The following FHOD1 variants were observed in gnomAD, a reference collection of about 807,000 sequenced individuals.
FHOD1 encodes the protein FH1/FH2 domain-containing protein 1.
In FHOD1, 89 loss-of-function variants were observed where a neutral mutation model predicts 111.6. The observed-to-expected ratio is 0.80, with a 90% CI of 0.67 to 0.95. FHOD1 has a LOEUF of 0.95. Among genes scored for constraint, FHOD1 ranks in the 40% least tolerant of loss-of-function variants. The probability of loss-of-function intolerance (pLI) is 0.00; values close to 1 mark genes in which losing one functional copy is unlikely to be tolerated. For missense variants in FHOD1, 1,446 were observed against 1,554.2 expected (o/e 0.93, Z 1.17); for synonymous variants, 618 against 639.0 (o/e 0.97, Z 0.50).
intron 1 of FHOD1, chr16:67,246,813 T>C (rs2142314375): frequency 4.8e-6 from 1 of 208,850 alleles, no homozygotes; most frequent in African/African-American, 2.3e-5. Flanking sequence ...CTCCTCGTGG[T>C]CCCGCCCCCA....
In FHOD1 at chr16:67,233,775, G is replaced by T; in HGVS notation, c.1928C>A (p.Ser643Tyr). The change falls in exon 13 of 22, where the codon TCT (serine) becomes TAT (tyrosine). Residue 643 changes from serine (S) to tyrosine (Y), a missense_variant. This residue lies in a region of FHOD1 where 1,085 missense variants were observed against 1,108.8 expected (regional missense o/e 0.98). Transcript: ENST00000258201. ...ELKLAGGHGV[S>Y]ASRFGPCATL... ...GGCGCAGGGCCCAAAGCGGCTTGCAGAGACTCCATGGCCCCCAGCCAGCTT... is the reference window on the plus strand; with the variant it reads ...GGCGCAGGGCCCAAAGCGGCTTGCATAGACTCCATGGCCCCCAGCCAGCTT... 6.2e-7 allele frequency: 1 copy of T among 1,613,918 alleles called. No individual in the cohort carries two copies. Among genetic ancestry groups the T allele is most frequent in the Non-Finnish European group, 8.5e-7 (1 of 1,180,012 alleles).
rs138688169 is a variant in FHOD1 at position 67,231,730 on chromosome 16, G to A, written c.2292C>T (p.Ala764=). The A allele has an allele frequency of 2.5e-4, 403 of 1,614,060 alleles. 2 individuals carry two copies. The highest frequency in any genetic ancestry group is 1.5e-4 in the African/African-American group (11 of 74,974). The change falls in exon 15 of 22, where the codon GCC becomes GCT. Residue 764 remains alanine, a synonymous_variant. Coordinates refer to ENST00000258201, the MANE Select transcript of FHOD1 (RefSeq NM_013241.3). This position sits in a 1 kb window ranked among gnomAD's most constrained non-coding sequence, Gnocchi z 4.3. The stretch of plus-strand genomic sequence containing the variant: ...AGGCAAGAGTCATCAGGAAGTTCTC[G>A]GCTGGGCCCAGGGGTATGTCAGGGT... ...LANPDIPLGP[A]ENFLMTLASI... is the part of the protein sequence containing the mutation.
rs946528345 is a variant in FHOD1 at position 67,237,935 on chromosome 16, C to G, written c.642+99G>C. The G allele has an allele frequency of 4.3e-6, 6 of 1,402,762 alleles. No homozygotes were observed. The Admixed American group carries it at 7.0e-5, about 16-fold the overall frequency. 86.9% of individuals were successfully genotyped at this position (1,402,762 alleles called of 1,614,324 possible). A position where few individuals can be genotyped will look rare whatever the true frequency, so the allele number is the denominator to read the frequency against. On this transcript the variant is annotated intron_variant, in intron 6 of 21. Coordinates refer to ENST00000258201, the MANE Select transcript of FHOD1 (RefSeq NM_013241.3). This position sits in a 1 kb window ranked among gnomAD's most constrained non-coding sequence, Gnocchi z 5.6. ...GTGCCTTATAGGCTTACAGAGGCCTCAGACTCACTCCCTTCCAGCTCACTT... is the reference window on the plus strand; with the variant it reads ...GTGCCTTATAGGCTTACAGAGGCCTGAGACTCACTCCCTTCCAGCTCACTT...
rs2034590768 is a variant in FHOD1 at position 67,238,954 on chromosome 16, G to C, written c.322C>G (p.Pro108Ala). 1 of 1,614,042 alleles carries C rather than the reference G, an allele frequency of 6.2e-7. No individual in the cohort carries two copies. The highest frequency in any genetic ancestry group is 1.7e-5 in the Admixed American group (1 of 60,008). Residue 108 changes from proline (P) to alanine (A), a missense_variant, in exon 3 of 22, where the codon CCC (proline) becomes GCC (alanine). Physicochemically the swap from Pro to Ala is conservative, Grantham distance 27 (BLOSUM62 -1). Around this residue, in one of 3 missense-constraint regions of FHOD1, gnomAD observed 234 missense variants for 327.4 expected, o/e 0.71. Transcript: ENST00000258201. The surrounding 1 kb of genome is among the most constrained non-coding windows in gnomAD (Gnocchi z 4.2). ...FYEEISKGRK[P>A]TLILRTQLSV... Reference sequence around the variant, plus strand: ...AGCTGGGTCCGAAGGATCAGCGTGGGCTTCCGCCCTTTGCTGGAATCAAGG... The same window carrying C: ...AGCTGGGTCCGAAGGATCAGCGTGGCCTTCCGCCCTTTGCTGGAATCAAGG...
chr16:67,238,647 C>A lies in FHOD1; in HGVS notation c.374-200G>T. Reference sequence around the variant, plus strand: ...GCTCACTGCAACCTCAAACTCCTAGCCTCAAGCAATTCTCCCACCTTGACC... The same window carrying A: ...GCTCACTGCAACCTCAAACTCCTAGACTCAAGCAATTCTCCCACCTTGACC... On this transcript the variant is annotated intron_variant, in intron 3 of 21. Coordinates refer to ENST00000258201, the MANE Select transcript of FHOD1 (RefSeq NM_013241.3). The surrounding 1 kb of genome is among the most constrained non-coding windows in gnomAD (Gnocchi z 4.2). The A allele has an allele frequency of 1.5e-6, 1 of 670,674 alleles. No individual in the cohort carries two copies. The highest frequency in any genetic ancestry group is 2.6e-6 in the Non-Finnish European group (1 of 381,172). 41.5% of individuals were successfully genotyped at this position (670,674 alleles called of 1,614,324 possible).
Position 67,230,682 on chromosome 16 carries a change from C to T in FHOD1, c.2777G>A (p.Arg926His), listed in dbSNP as rs750277750. ...GTCCAGGAAGTGGGTGAGGCGGGCA[C>T]GCAGGGCTGGGGCCAGCTCATGCTT... Reference protein sequence around the residue: ...LAKHELAPALRARLTHFLDQC... With the variant: ...LAKHELAPALHARLTHFLDQC... The change falls in exon 18 of 22, where the codon CGT (arginine) becomes CAT (histidine). Residue 926 changes from arginine (R) to histidine (H), a missense_variant. By Grantham distance (29) the Arg-to-His change is conservative. Transcript: ENST00000258201. 1.4e-4 allele frequency: 224 copies of T among 1,613,850 alleles called. No homozygotes were observed. Among genetic ancestry groups the T allele is most frequent in the Non-Finnish European group, 1.8e-4 (207 of 1,179,998 alleles).
At chr16:67,240,262 C>T (rs1365475684) in intron 1 of FHOD1, among the ~76,000 whole-genome samples, 3 of 152,200 alleles carry the variant, frequency 2.0e-5, no homozygotes, top group African/African-American at 7.2e-5. Flanking sequence ...CGTGGTGGCT[C>T]ACGCCTGTAA....
At chr16:67,246,411 G>C (rs1446381629) in intron 1 of FHOD1, among the ~76,000 whole-genome samples, 1 of 152,234 alleles carries the variant, frequency 6.6e-6, no homozygotes, top group Non-Finnish European at 1.5e-5. Flanking sequence ...GGCGGCGAGA[G>C]GGAGGGGAGA....
chr16:67,230,427 G>A lies in FHOD1; in HGVS notation c.2938C>T (p.Leu980=). Residue 980 remains leucine, a synonymous_variant, in exon 19 of 22, where the codon CTG becomes TTG. Transcript: ENST00000258201. The stretch of plus-strand genomic sequence containing the variant: ...CGATACTCAAGCGCAAATTCCCGCA[G>A]CGTGTGGCAGAACTGCATGATGCGC... ...EVRIMQFCHT[L]REFALEYRTC... is the part of the protein sequence containing the mutation. 2 of 1,614,264 alleles carry A rather than the reference G, an allele frequency of 1.2e-6. No homozygotes were observed. The highest frequency in any genetic ancestry group is 1.7e-6 in the Non-Finnish European group (2 of 1,180,044).
Position 67,231,576 on chromosome 16 carries a change from G to T in FHOD1, c.2386-27C>A. 1 of 1,614,176 alleles carries T rather than the reference G, an allele frequency of 6.2e-7. No homozygotes were observed. The highest frequency in any genetic ancestry group is 1.1e-5 in the South Asian group (1 of 91,074). On this transcript the variant is annotated intron_variant, in intron 15 of 21. Transcript: ENST00000258201. This position sits in a 1 kb window ranked among gnomAD's most constrained non-coding sequence, Gnocchi z 4.3. ...TGGTATGGGAGACCAGGGACTCTCA[G>T]ACTACATGGTCATGATGCTTACCTG... is the stretch of plus-strand genomic sequence containing the variant.
intron 11 of FHOD1, among the ~76,000 whole-genome samples, chr16:67,235,477 C>G (rs2034441844): frequency 6.7e-6 from 1 of 149,562 alleles, no homozygotes; most frequent in Non-Finnish European, 1.5e-5. Context: ...TTGCAGTGTG[C>G]TGAGATCACA....
At position 67,239,405 on chromosome 16, in the gene FHOD1, G is replaced by A. The variant is rs1370591121; in HGVS notation, c.251C>T (p.Thr84Ile). The change falls in exon 2 of 22, where the codon ACC (threonine) becomes ATC (isoleucine). Residue 84 changes from threonine (T) to isoleucine (I), a missense_variant. Physicochemically the swap from Thr to Ile is moderately conservative, Grantham distance 89. Transcript: ENST00000258201. ...QVSPSGYYLD[T>I]ELSLEEQREM... ...CCGCTGCTCTTCCAGGGACAGCTCGGTGTCCAGGTAGTATCCGGAGGGAGA... is the reference window on the plus strand; with the variant it reads ...CCGCTGCTCTTCCAGGGACAGCTCGATGTCCAGGTAGTATCCGGAGGGAGA... 1 of 1,614,174 alleles carries A rather than the reference G, an allele frequency of 6.2e-7. No individual in the cohort carries two copies. Among genetic ancestry groups the A allele is most frequent in the Admixed American group, 1.7e-5 (1 of 60,022 alleles).
chr16:67,238,302 GTCC>G lies in FHOD1; in HGVS notation c.444_446del (p.Glu148del), dbSNP rs2034566499. On this transcript the variant is annotated inframe_deletion and splice_region_variant, in exon 5 of 22. Transcript: ENST00000258201. The surrounding 1 kb of genome is among the most constrained non-coding windows in gnomAD (Gnocchi z 4.2). ...GCACAAATTCAGGCACCAGGTCTTT[GTCC>G]TCCTAGAGGCACCATGGGGGAGTTT... 2 of 1,614,024 alleles carry G rather than the reference GTCC, an allele frequency of 1.2e-6. No homozygotes were observed. Among genetic ancestry groups the G allele is most frequent in the Non-Finnish European group, 1.7e-6 (2 of 1,180,034 alleles).
chr16:67,238,560 T>G lies in FHOD1; in HGVS notation c.374-113A>C. 9.2e-7 allele frequency: 1 copy of G among 1,090,354 alleles called. No homozygotes were observed. Among genetic ancestry groups the G allele is most frequent in the Non-Finnish European group, 1.4e-6 (1 of 731,440 alleles). 67.5% of individuals were successfully genotyped at this position (1,090,354 alleles called of 1,614,324 possible). On this transcript the variant is annotated intron_variant, in intron 3 of 21. Coordinates refer to ENST00000258201, the MANE Select transcript of FHOD1 (RefSeq NM_013241.3). The surrounding 1 kb of genome is among the most constrained non-coding windows in gnomAD (Gnocchi z 4.2). ...ATAGTCTAATATATATGTTTTGGTCTGAGAGACAGGGTCTCACTCTGTCAC... is the reference window on the plus strand; with the variant it reads ...ATAGTCTAATATATATGTTTTGGTCGGAGAGACAGGGTCTCACTCTGTCAC...
chr16:67,242,479 G>A (rs1313566268), intron 1 of FHOD1, among the ~76,000 whole-genome samples: 1 of 152,326 alleles, frequency 6.6e-6, no homozygotes, highest in African/African-American at 2.4e-5. Context: ...CTGCTAGCAG[G>A]ATGGCACATG....
At position 67,231,231 on chromosome 16, in the gene FHOD1, G is replaced by A. The variant is rs757925016; in HGVS notation, c.2624C>T (p.Ser875Phe). ...SLVLQTRPES[S>F]DLYSEIPALT... ...GGCAGGGATTTCTGAATAGAGGTCA[G>A]AGGACTCAGGCCGGGTCTGGAGCAC... Residue 875 changes from serine to phenylalanine, a missense_variant, in exon 17 of 22, where the codon TCT becomes TTT. Ser to Phe is a radical substitution (Grantham distance 155). Around this residue, in one of 3 missense-constraint regions of FHOD1, gnomAD observed 1,085 missense variants for 1,108.8 expected, o/e 0.98. Coordinates refer to ENST00000258201, the MANE Select transcript of FHOD1 (RefSeq NM_013241.3). The surrounding 1 kb of genome is among the most constrained non-coding windows in gnomAD (Gnocchi z 4.3). 1 of 1,614,232 alleles carries A rather than the reference G, an allele frequency of 6.2e-7. No individual in the cohort carries two copies. The highest frequency in any genetic ancestry group is 8.5e-7 in the Non-Finnish European group (1 of 1,180,030).
At chr16:67,236,515 T>C (rs753053035) in intron 11 of FHOD1, 42 bp downstream of exon 11, 3 of 1,598,144 alleles carry the variant, frequency 1.9e-6, no homozygotes, top group Non-Finnish European at 2.6e-6. Flanking sequence ...GGAGGGACAA[T>C]GGGAGAGAGG....
chr16:67,229,935 G>A lies in FHOD1; in HGVS notation c.3270C>T (p.Ser1090=). ...IMPTVGPSTA[S]PEEPPGSSLP... is the part of the protein sequence containing the mutation. Reference sequence around the variant, plus strand: ...AACTGGAGCCTGGGGGTTCTTCTGGGGATGCAGTGGAGGGCCCCACTGTGG... The same window carrying A: ...AACTGGAGCCTGGGGGTTCTTCTGGAGATGCAGTGGAGGGCCCCACTGTGG... The change falls in exon 21 of 22, where the codon TCC becomes TCT. Residue 1090 remains serine (S), a synonymous_variant. Transcript: ENST00000258201. 6.2e-7 allele frequency: 1 copy of A among 1,614,224 alleles called. No homozygotes were observed. Among genetic ancestry groups the A allele is most frequent in the Non-Finnish European group, 8.5e-7 (1 of 1,180,028 alleles).
rs1567392876 is a variant in FHOD1 at position 67,238,351 on chromosome 16, C to G, written c.441+29G>C. 6.2e-7 allele frequency: 1 copy of G among 1,614,066 alleles called. No homozygotes were observed. ...AGTTTAGGGAAGCTTGGGCTACACA[C>G]TTACCCCCAGCCCACTGCGGGGCCT... On this transcript the variant is annotated intron_variant, in intron 4 of 21. Coordinates refer to ENST00000258201, the MANE Select transcript of FHOD1 (RefSeq NM_013241.3). This position sits in a 1 kb window ranked among gnomAD's most constrained non-coding sequence, Gnocchi z 4.2.
Sources: gnomAD v4.1 joint callset for allele counts (sites outside exome capture counted in the v4.1 genomes callset) on GRCh38, gnomAD v4.1.1 for gene constraint, gnomAD v4.1.1 regional missense constraint, Gnocchi (gnomAD v3.1) non-coding constraint, MANE v1.5 for transcripts, NCBI Gene and HGNC (gene_info 2026-07-23, HGNC 2026-07-21) for gene names.